The following ADTRP variants were observed in gnomAD, a reference collection of about 807,000 sequenced individuals.
The protein encoded by ADTRP is androgen dependent TFPI regulating protein, also known as androgen-dependent TFPI-regulating protein.
Under a neutral mutation model 27.0 loss-of-function variants are expected in ADTRP, and 20 were observed. The observed-to-expected ratio is 0.74, with a 90% confidence interval of 0.52 to 1.08. ADTRP has a LOEUF of 1.08. Among genes scored for constraint, ADTRP ranks in the 50% least tolerant of loss-of-function variants. The probability of loss-of-function intolerance (pLI) is 0.00; values close to 1 mark genes in which losing one functional copy is unlikely to be tolerated. For synonymous variants in ADTRP, 101 were observed against 105.2 expected, an observed-to-expected ratio of 0.96 and a Z score of 0.25; for missense variants, 251 against 275.0, an observed-to-expected ratio of 0.91 and a Z score of 0.62.
At chr6:11,724,102 G>A (rs558927509) in intron 4 of ADTRP, among the ~76,000 whole-genome samples, 15 of 150,736 alleles carry the variant, frequency 1.0e-4, no homozygotes, top group East Asian at 1.9e-4. Context: ...TAGAACCATC[G>A]TTAGCTAAAG....
At chr6:11,769,914 C>T (rs1763710441) in intron 1 of ADTRP, 2 of 1,141,448 alleles carry the variant, frequency 1.8e-6, no homozygotes, top group Non-Finnish European at 2.5e-6. Context: ...GACTTTTATT[C>T]ATTACTTGGT....
intron 3 of ADTRP, among the ~76,000 whole-genome samples, chr6:11,749,261 G>A (rs1188967806): frequency 1.3e-5 from 2 of 152,136 alleles, no homozygotes; most frequent in African/African-American, 4.8e-5. Flanking sequence ...TCCTGAGATG[G>A]AGATGCTCAG....
rs558159833 is a variant in ADTRP, at chr6:11,752,301, C to T, written c.390+13973G>A. On this transcript the variant is annotated intron_variant, in intron 3 of 5. Transcript: ENST00000414691. ...ATATTTTTTTTTCATGTTACGGTTT[C>T]GCTATATGGCCAGAAACGAAATCAC... Among the ~76,000 whole-genome samples, 115 of 151,678 alleles carry T rather than the reference C, an allele frequency of 7.6e-4. 1 individual carries two copies. Among genetic ancestry groups the T allele is most frequent in the South Asian group, 1.9e-3 (9 of 4,802 alleles).
chr6:11,731,492 A>G (rs1392306114), intron 4 of ADTRP, among the ~76,000 whole-genome samples: 2 of 152,240 alleles, frequency 1.3e-5, no homozygotes, highest in Admixed American at 1.3e-4. Flanking sequence ...GCCATCTGCA[A>G]GCCTTCATGA....
chr6:11,728,345 G>A (rs191892413), intron 4 of ADTRP: 251 of 152,700 alleles, frequency 1.6e-3, no homozygotes, highest in South Asian at 2.9e-3. Context: ...GCCATGCCCC[G>A]CTTCCATCTG....
intron 3 of ADTRP, among the ~76,000 whole-genome samples, chr6:11,758,580 G>GT (rs562533105): frequency 5.9e-5 from 7 of 118,642 alleles, no homozygotes; most frequent in East Asian, 6.1e-4. Context: ...TGGGGTGGGG[G>GT]GGGGGGACGG....
intron 1 of ADTRP, among the ~76,000 whole-genome samples, chr6:11,778,302 A>G (rs1352483105): frequency 6.6e-6 from 1 of 152,180 alleles, no homozygotes; most frequent in Non-Finnish European, 1.5e-5. Flanking sequence ...AGTTAATCCC[A>G]TGGTGAAACC....
chr6:11,766,401 C>T, intron 2 of ADTRP, 26 bp from the exon 3 acceptor site: 4 of 1,535,034 alleles, frequency 2.6e-6, no homozygotes, highest in African/African-American at 2.7e-5. Context: ...CAAAAAATAG[C>T]ATCATTAGGC....
intron 1 of ADTRP, among the ~76,000 whole-genome samples, chr6:11,770,669 C>T (rs901482285): frequency 1.3e-5 from 2 of 152,106 alleles, no homozygotes; most frequent in Non-Finnish European, 2.9e-5. Flanking sequence ...GAAGGGGTTG[C>T]CACCCTAATA....
intron 3 of ADTRP, among the ~76,000 whole-genome samples, chr6:11,753,737 A>C (rs1763124230): frequency 6.6e-6 from 1 of 152,228 alleles, no homozygotes; most frequent in Non-Finnish European, 1.5e-5. Context: ...CACTGCTACA[A>C]AATAATATTC....
chr6:11,716,880 CTT>C (rs34642296), intron 5 of ADTRP, among the ~76,000 whole-genome samples: 8,393 of 126,816 alleles, frequency 0.066, 718 homozygotes, highest in East Asian at 0.49. Flanking sequence ...CCACACGTAG[CTT>C]TTTTTTTTTT....
chr6:11,721,368 G>A (rs1167011270), intron 5 of ADTRP, among the ~76,000 whole-genome samples: 2 of 152,224 alleles, frequency 1.3e-5, no homozygotes, highest in Admixed American at 1.3e-4. Flanking sequence ...CAAGGGTGTG[G>A]ACTTTCTTCA....
chr6:11,767,676 G>A (rs2113337106), intron 2 of ADTRP: 1 of 152,346 alleles, frequency 6.6e-6, no homozygotes, highest in East Asian at 1.9e-4. Context: ...CCTGCCATAT[G>A]TCTCACTTCT....
At chr6:11,760,016 C>G (rs1763347194) in intron 3 of ADTRP, among the ~76,000 whole-genome samples, 1 of 152,194 alleles carries the variant, frequency 6.6e-6, no homozygotes, top group Non-Finnish European at 1.5e-5. Context: ...GAATGCCACT[C>G]TGCTGGTACA....
intron 3 of ADTRP, among the ~76,000 whole-genome samples, chr6:11,747,968 T>A (rs1762921247): frequency 6.6e-6 from 1 of 152,346 alleles, no homozygotes; most frequent in African/African-American, 2.4e-5. Flanking sequence ...AGTTACCTAA[T>A]TAACATCTGA....
chr6:11,769,987 T>C, intron 1 of ADTRP: 7 of 1,546,358 alleles, frequency 4.5e-6, no homozygotes, highest in Non-Finnish European at 6.1e-6. Flanking sequence ...GTCCTATCAT[T>C]AGACTCCCCC....
chr6:11,738,701 GA>G (rs1443406935), intron 3 of ADTRP: 1 of 152,222 alleles, frequency 6.6e-6, no homozygotes. Context: ...AACAACTCAG[GA>G]ATGCATGACT....
At chr6:11,725,117 G>A (rs1352381626) in intron 4 of ADTRP, among the ~76,000 whole-genome samples, 1 of 152,220 alleles carries the variant, frequency 6.6e-6, no homozygotes, top group Non-Finnish European at 1.5e-5. Flanking sequence ...AATGGTTTGT[G>A]GAAGAGTCAA....
intron 3 of ADTRP, among the ~76,000 whole-genome samples, chr6:11,755,494 G>T (rs62395246): frequency 6.6e-6 from 1 of 152,138 alleles, no homozygotes; most frequent in African/African-American, 2.4e-5. Flanking sequence ...AACCACCAGT[G>T]GACTGGTCGT....
Sources: gnomAD v4.1 joint callset for allele counts (sites outside exome capture counted in the v4.1 genomes callset) on GRCh38, gnomAD v4.1.1 for gene constraint, MANE v1.5 for transcripts, NCBI Gene and HGNC (gene_info 2026-07-23, HGNC 2026-07-21) for gene names.